The following CFAP54 variants were observed in gnomAD, a reference collection of about 807,000 sequenced individuals.
CFAP54 encodes cilia and flagella associated protein 54.
CFAP54 carries 290 observed loss-of-function variants against 370.4 expected under a neutral mutation model. The observed-to-expected ratio is 0.78, with a 90% confidence interval of 0.71 to 0.86. CFAP54 has a LOEUF of 0.86. Among genes scored for constraint, CFAP54 ranks in the 40% least tolerant of loss-of-function variants. The pLI is 0.00. For missense variants in CFAP54, 3,399 were observed against 3,528.7 expected (o/e 0.96, Z 0.93); for synonymous variants, 1,206 against 1,236.5 (o/e 0.98, Z 0.52).
At chr12:96,520,583 CT>C (rs144124223) in intron 6 of CFAP54, among the ~76,000 whole-genome samples, 30,726 of 152,072 alleles carry the variant, frequency 0.2, 3,450 homozygotes, top group South Asian at 0.35. Flanking sequence ...TAGAGTGCCC[CT>C]GTATCAATTT....
Position 96,489,597 on chromosome 12 carries a change from G to A in CFAP54, c.-13G>A, listed in dbSNP as rs1456655909. ...CGTGTACACATACTCCAGGCGGGCC[G>A]GGGCGCGTCAATATGGCGGCGCAGG... is the stretch of plus-strand genomic sequence containing the variant. On this transcript the variant is annotated 5_prime_UTR_variant, in exon 1 of 68. Transcript: ENST00000524981. The A allele has an allele frequency of 1.4e-5, 21 of 1,507,068 alleles. No homozygotes were observed. The East Asian group carries it at 4.5e-4, about 32-fold the overall frequency. The allele number at this position is 1,507,068 out of a possible 1,614,324, so 93.4% of individuals were successfully genotyped here.
At chr12:96,655,853 A>G (rs1272039076) in intron 36 of CFAP54, among the ~76,000 whole-genome samples, 2 of 152,176 alleles carry the variant, frequency 1.3e-5, no homozygotes, top group Non-Finnish European at 2.9e-5. Context: ...TAATGATTTA[A>G]AGGAATTTCT....
chr12:96,718,583 T>G, intron 49 of CFAP54, 61 bp downstream of exon 49: 1 of 934,010 alleles, frequency 1.1e-6, no homozygotes, highest in Non-Finnish European at 1.7e-6. Context: ...TATTAGGCCC[T>G]GGATGGGCCT....
intron 45 of CFAP54, among the ~76,000 whole-genome samples, chr12:96,696,553 A>G (rs1369344138): frequency 1.3e-5 from 2 of 152,090 alleles, no homozygotes; most frequent in Non-Finnish European, 2.9e-5. Context: ...AAAACCAGAG[A>G]AGAACTGTGG....
chr12:96,753,087 G>T (rs11108670), intron 55 of CFAP54, among the ~76,000 whole-genome samples: 6,969 of 152,026 alleles, frequency 0.046, 208 homozygotes, highest in South Asian at 0.084. Context: ...TTTCGTTTTT[G>T]TCAAGTACCT....
In CFAP54 at chr12:96,641,936, T is replaced by TGG. The variant is rs758561828; in HGVS notation, c.4317-2241_4317-2240insGG. The stretch of plus-strand genomic sequence containing the variant: ...CACACCGGGGCCTGTTGTGGGGTGG[T>TGG]GCGGGGGGGGAGGGATAGCATTAGG... On this transcript the variant is annotated intron_variant, in intron 32 of 67. Coordinates refer to ENST00000524981, the MANE Select transcript of CFAP54 (RefSeq NM_001306084.2). Among the ~76,000 whole-genome samples, 105 of 85,906 alleles carry TGG rather than the reference T, an allele frequency of 1.2e-3. 1 individual carries two copies. The highest frequency in any genetic ancestry group is 6.6e-3 in the Middle Eastern group (1 of 152). The allele number at this position is 85,906 out of a possible 152,430, so 56.4% of individuals were successfully genotyped here.
chr12:96,679,891 A>T, intron 40 of CFAP54, 139 bp downstream of exon 40: 1 of 814,142 alleles, frequency 1.2e-6, no homozygotes, highest in Non-Finnish European at 1.9e-6. Flanking sequence ...CCTCTTGTCC[A>T]GTGGATCTAT....
chr12:96,604,458 C>T (rs556568911), intron 26 of CFAP54, among the ~76,000 whole-genome samples: 15 of 152,326 alleles, frequency 9.8e-5, no homozygotes, highest in East Asian at 7.7e-4. Context: ...GGAGCTCAAT[C>T]GCCATGCTGG....
At chr12:96,812,651 A>G (rs973821576) in intron 64 of CFAP54, among the ~76,000 whole-genome samples, 9 of 152,172 alleles carry the variant, frequency 5.9e-5, no homozygotes, top group Non-Finnish European at 1.2e-4. Flanking sequence ...CTGTTCCATC[A>G]CTAAAGCCTG....
rs114450668 is a variant in CFAP54 at position 96,532,279 on chromosome 12, G to A, written c.1358-1513G>A. Reference sequence around the variant, plus strand: ...CTTCTTGGAACAATTAGCTGACTTGGCCTTAGTGTCCACCTGAGAGGAGGG... The same window carrying A: ...CTTCTTGGAACAATTAGCTGACTTGACCTTAGTGTCCACCTGAGAGGAGGG... On this transcript the variant is annotated intron_variant, in intron 9 of 67. Coordinates refer to ENST00000524981, the MANE Select transcript of CFAP54 (RefSeq NM_001306084.2). Among the ~76,000 whole-genome samples the A allele has an allele frequency of 3.3e-3, 500 of 152,102 alleles. 3 individuals are homozygous for A. The highest frequency in any genetic ancestry group is 0.012 in the African/African-American group (482 of 41,478).
chr12:96,832,055 A>G (rs778788624), intron 66 of CFAP54, among the ~76,000 whole-genome samples: 5 of 152,146 alleles, frequency 3.3e-5, no homozygotes, highest in Non-Finnish European at 5.9e-5. Flanking sequence ...AGGTAATTGA[A>G]TCATAGGGGC....
chr12:96,613,105 G>A (rs1170880154), intron 26 of CFAP54, among the ~76,000 whole-genome samples: 4 of 152,118 alleles, frequency 2.6e-5, no homozygotes, highest in Admixed American at 2.6e-4. Context: ...TTCCAAAATT[G>A]ACCACATAGT....
chr12:96,499,208 C>CCTCAAGT, intron 1 of CFAP54, among the ~76,000 whole-genome samples: 1 of 152,072 alleles, frequency 6.6e-6, no homozygotes. Context: ...AAACTCCTGA[C>CCTCAAGT]CTCAAGTGAT....
chr12:96,723,691 A>G (rs564817175), intron 50 of CFAP54, among the ~76,000 whole-genome samples: 4 of 151,426 alleles, frequency 2.6e-5, no homozygotes, highest in Non-Finnish European at 5.9e-5. Context: ...AATTATTATT[A>G]TTATACTTTA....
intron 2 of CFAP54, 111 bp downstream of exon 2, chr12:96,501,050 A>G: frequency 1.7e-6 from 1 of 602,886 alleles, no homozygotes; most frequent in Admixed American, 3.8e-5. Flanking sequence ...TTCTCTTAGA[A>G]AAAAATAAAT....
intron 63 of CFAP54, among the ~76,000 whole-genome samples, chr12:96,798,150 A>G (rs1487489816): frequency 6.6e-6 from 1 of 151,888 alleles, no homozygotes; most frequent in African/African-American, 2.4e-5. Context: ...TTCTTGTTTT[A>G]TACAAGAAAT....
intron 66 of CFAP54, among the ~76,000 whole-genome samples, chr12:96,846,171 A>T (rs549427336): frequency 6.6e-6 from 1 of 152,366 alleles, no homozygotes; most frequent in Admixed American, 6.5e-5. Flanking sequence ...AATTAATCAC[A>T]TCTAATCACA....
At position 96,677,255 on chromosome 12, in the gene CFAP54, C is replaced by T. The variant is rs563891875; in HGVS notation, c.5564-2345C>T. On this transcript the variant is annotated intron_variant, in intron 39 of 67. Transcript: ENST00000524981. ...TGAACTCCTGGCTTCAAGGGATCCT[C>T]CCTGCCTCATCCTCCCAAAGTGCTG... 1.2e-3 allele frequency among the ~76,000 whole-genome samples: 178 copies of T among 152,080 alleles called. 2 individuals are homozygous for T. The highest frequency in any genetic ancestry group is 4.0e-3 in the African/African-American group (164 of 41,478).
chr12:96,507,865 G>A (rs1196557395), intron 4 of CFAP54, among the ~76,000 whole-genome samples: 3 of 152,038 alleles, frequency 2.0e-5, no homozygotes, highest in Non-Finnish European at 4.4e-5. Flanking sequence ...CTTTACATTT[G>A]CTGCCAGAGA....
Sources: allele counts gnomAD v4.1 joint callset (sites outside exome capture counted in the v4.1 genomes callset), GRCh38; gene constraint gnomAD v4.1.1; transcripts MANE v1.5; gene names NCBI Gene and HGNC (gene_info 2026-07-23, HGNC 2026-07-21).